The following CMSS1 variants were observed in gnomAD, a reference collection of about 807,000 sequenced individuals.
The protein encoded by CMSS1 is protein CMSS1.
In CMSS1, 33 loss-of-function variants were observed where a neutral mutation model predicts 43.5. The observed-to-expected ratio is 0.76, with a 90% CI of 0.57 to 1.01. CMSS1 has a LOEUF of 1.01. Among genes scored for constraint, CMSS1 ranks in the 50% least tolerant of loss-of-function variants. The probability of loss-of-function intolerance (pLI) is 0.00; values close to 1 mark genes in which losing one functional copy is unlikely to be tolerated. For synonymous variants in CMSS1, 115 were observed against 117.2 expected, an observed-to-expected ratio of 0.98 and a Z score of 0.12; for missense variants, 313 against 326.4, an observed-to-expected ratio of 0.96 and a Z score of 0.32.
At chr3:99,869,952 GC>G (rs1410374088) in intron 1 of CMSS1, among the ~76,000 whole-genome samples, 1 of 152,118 alleles carries the variant, frequency 6.6e-6, no homozygotes, top group African/African-American at 2.4e-5. Context: ...GCTCTCACAG[GC>G]CCAAGTGCTA....
At chr3:100,149,079 T>C (rs1012686314) in intron 2 of CMSS1, among the ~76,000 whole-genome samples, 2 of 152,238 alleles carry the variant, frequency 1.3e-5, no homozygotes, top group African/African-American at 4.8e-5. Context: ...CGTAGTCTTC[T>C]TCATACTCCA....
chr3:100,000,395 T>G (rs1709808199), intron 1 of CMSS1, among the ~76,000 whole-genome samples: 1 of 152,224 alleles, frequency 6.6e-6, no homozygotes, highest in African/African-American at 2.4e-5. Flanking sequence ...ATATCATATA[T>G]TTATTGGCAG....
intron 1 of CMSS1, among the ~76,000 whole-genome samples, chr3:100,082,949 A>G (rs1409992304): frequency 6.6e-6 from 1 of 152,182 alleles, no homozygotes; most frequent in Non-Finnish European, 1.5e-5. Flanking sequence ...AAAAAGAACA[A>G]ATTGAGAACT....
intron 1 of CMSS1, among the ~76,000 whole-genome samples, chr3:99,886,960 A>G (rs1417747507): frequency 7.1e-6 from 1 of 140,656 alleles, no homozygotes; most frequent in African/African-American, 2.7e-5. Flanking sequence ...GCAGAGGGAG[A>G]CTCCATCTCA....
At chr3:100,083,909 G>T (rs1344484568) in intron 1 of CMSS1, among the ~76,000 whole-genome samples, 1 of 152,016 alleles carries the variant, frequency 6.6e-6, no homozygotes, top group African/African-American at 2.4e-5. Flanking sequence ...AGTAGATTTT[G>T]GTCAGAAGTA....
intron 1 of CMSS1, among the ~76,000 whole-genome samples, chr3:99,913,971 G>A (rs1331130129): frequency 6.6e-6 from 1 of 152,120 alleles, no homozygotes; most frequent in Non-Finnish European, 1.5e-5. Flanking sequence ...TAAGTAGGGA[G>A]GAAATTTAAA....
chr3:99,857,144 T>A (rs1355663431), intron 1 of CMSS1, among the ~76,000 whole-genome samples: 3 of 152,172 alleles, frequency 2.0e-5, no homozygotes, highest in Admixed American at 1.3e-4. Context: ...TTGTGAAAAA[T>A]ACTGTAGCAC....
chr3:99,862,032 G>T (rs574017617), intron 1 of CMSS1, among the ~76,000 whole-genome samples: 1 of 152,066 alleles, frequency 6.6e-6, no homozygotes, highest in African/African-American at 2.4e-5. Context: ...ATACATGTCC[G>T]TTCTCATTAG....
chr3:100,154,808 A>G (rs1362179610), intron 2 of CMSS1, among the ~76,000 whole-genome samples: 1 of 152,048 alleles, frequency 6.6e-6, no homozygotes, highest in Non-Finnish European at 1.5e-5. Context: ...CCCCAACTCT[A>G]CAAAAAATAC....
At chr3:100,047,589 C>T (rs1217773034) in intron 1 of CMSS1, among the ~76,000 whole-genome samples, 1 of 152,206 alleles carries the variant, frequency 6.6e-6, no homozygotes, top group Non-Finnish European at 1.5e-5. Flanking sequence ...TAAATTCTTT[C>T]CCTGCAGTTT....
At chr3:99,989,247 C>A (rs1325934487) in intron 1 of CMSS1, among the ~76,000 whole-genome samples, 2 of 152,120 alleles carry the variant, frequency 1.3e-5, no homozygotes, top group Admixed American at 6.5e-5. Context: ...TGTTCTGATT[C>A]CTGCTTTATA....
chr3:100,168,132 A>G (rs761848823), intron 6 of CMSS1, among the ~76,000 whole-genome samples: 9 of 152,336 alleles, frequency 5.9e-5, no homozygotes, highest in Middle Eastern at 3.4e-3. Flanking sequence ...GGAGATGACA[A>G]TTTGATCAGA....
chr3:100,175,247 A>G (rs1347909170), intron 8 of CMSS1, among the ~76,000 whole-genome samples: 2 of 152,164 alleles, frequency 1.3e-5, no homozygotes, highest in East Asian at 3.8e-4. Context: ...GGGATATGTC[A>G]TAGAAGGAAA....
At chr3:99,830,576 TG>T in intron 1 of CMSS1, 1 of 456,674 alleles carries the variant, frequency 2.2e-6, no homozygotes, top group South Asian at 1.5e-5. Context: ...GGATCCGTGC[TG>T]GGATTCTCTG....
chr3:100,109,642 T>C (rs2066455020), intron 1 of CMSS1, among the ~76,000 whole-genome samples: 2 of 152,168 alleles, frequency 1.3e-5, no homozygotes. Context: ...GGTTCATGCA[T>C]ATTGTTGTGT....
In CMSS1 at chr3:99,938,578, C is replaced by T. The variant is rs182355805; in HGVS notation, c.64+120535C>T. 1.1e-4 allele frequency among the ~76,000 whole-genome samples: 17 copies of T among 152,290 alleles called. No homozygotes were observed. In the East Asian group the frequency reaches 3.3e-3, roughly 29 times the overall value. On this transcript the variant is annotated intron_variant, in intron 1 of 9. Coordinates refer to ENST00000421999, the MANE Select transcript of CMSS1 (RefSeq NM_032359.4). The stretch of plus-strand genomic sequence containing the variant: ...CTTTACATTTGCACTTGCATTTCCC[C>T]CTATCTTTACACAGAACCTTTAAGC...
At chr3:99,998,137 T>C (rs559923784) in intron 1 of CMSS1, among the ~76,000 whole-genome samples, 1 of 152,240 alleles carries the variant, frequency 6.6e-6, no homozygotes, top group Non-Finnish European at 1.5e-5. Context: ...TGAAAGAGTT[T>C]CTAATCTCAG....
chr3:100,134,089 T>G (rs996663803), intron 1 of CMSS1, among the ~76,000 whole-genome samples: 3 of 152,214 alleles, frequency 2.0e-5, no homozygotes, highest in African/African-American at 7.2e-5. Flanking sequence ...GGTGAGTGGA[T>G]AGTAGGTCTA....
chr3:100,173,266 G>A (rs1374419762), intron 8 of CMSS1, among the ~76,000 whole-genome samples: 1 of 152,142 alleles, frequency 6.6e-6, no homozygotes, highest in Admixed American at 6.6e-5. Context: ...AAATTTGGCT[G>A]CCCCTGACAA....
Sources: allele counts gnomAD v4.1 joint callset (sites outside exome capture counted in the v4.1 genomes callset), GRCh38; gene constraint gnomAD v4.1.1; transcripts MANE v1.5; gene names NCBI Gene and HGNC (gene_info 2026-07-23, HGNC 2026-07-21).